Variants in DNAH14 observed in about 807,000 individuals in gnomAD.
DNAH14 encodes axonemal beta dynein heavy chain 14.
DNAH14 carries 478 observed loss-of-function variants against 520.9 expected under a neutral mutation model. The observed-to-expected ratio is 0.92, with a 90% CI of 0.85 to 0.99. DNAH14 has a LOEUF of 0.99. DNAH14 is among the 50% of genes least tolerant of loss of function. The pLI is 0.00. For missense variants in DNAH14, 4,831 were observed against 5,234.5 expected, an observed-to-expected ratio of 0.92 and a Z score of 2.38; for synonymous variants, 1,581 against 1,757.2, an observed-to-expected ratio of 0.90 and a Z score of 2.51.
At chr1:225,088,798 T>C (rs2074060682) in intron 21 of DNAH14, among the ~76,000 whole-genome samples, 1 of 152,134 alleles carries the variant, frequency 6.6e-6, no homozygotes, top group African/African-American at 2.4e-5. Context: ...AAATGTAAAC[T>C]GGAATATTAA....
Position 225,159,362 on chromosome 1 carries a change from C to T in DNAH14, c.5322C>T (p.Ile1774=), listed in dbSNP as rs947090442. 1.0e-5 allele frequency: 16 copies of T among 1,551,430 alleles called. No individual in the cohort carries two copies. The highest frequency in any genetic ancestry group is 4.8e-5 in the South Asian group (4 of 83,890). Residue 1774 remains isoleucine, a synonymous_variant, in exon 35 of 86, where the codon ATC becomes ATT. Coordinates refer to ENST00000682510, the MANE Select transcript of DNAH14 (RefSeq NM_001367479.1). ...LSEADETLIV[I]EAIREASLPK... Reference sequence around the variant, plus strand: ...AAGCAGATGAAACCTTGATTGTTATCGAGGCTATAAGAGAAGCTAGTTTGC... The same window carrying T: ...AAGCAGATGAAACCTTGATTGTTATTGAGGCTATAAGAGAAGCTAGTTTGC...
At chr1:225,130,369 C>T (rs1312799942) in intron 27 of DNAH14, among the ~76,000 whole-genome samples, 9 of 151,860 alleles carry the variant, frequency 5.9e-5, no homozygotes, top group East Asian at 3.9e-4. Flanking sequence ...CACATACACA[C>T]GTATGTTTAT....
chr1:225,266,910 A>C, intron 49 of DNAH14, 141 bp downstream of exon 49: 1 of 665,740 alleles, frequency 1.5e-6, no homozygotes, highest in Non-Finnish European at 2.4e-6. Context: ...TTGAGACCCT[A>C]AACTAACTAT....
At chr1:225,317,664 C>T (rs1021784759) in intron 60 of DNAH14, among the ~76,000 whole-genome samples, 1 of 152,004 alleles carries the variant, frequency 6.6e-6, no homozygotes, top group African/African-American at 2.4e-5. Flanking sequence ...GTATATACTG[C>T]TTATCAAGTA....
At chr1:225,080,800 C>T in intron 19 of DNAH14, 52 bp downstream of exon 19, 1 of 1,458,418 alleles carries the variant, frequency 6.9e-7, no homozygotes, top group Non-Finnish European at 9.1e-7. Flanking sequence ...ACCAAATGGC[C>T]TTTGGACATC....
Position 224,941,754 on chromosome 1 carries a change from A to G in DNAH14, c.-33-10916A>G, listed in dbSNP as rs1198624683. On this transcript the variant is annotated intron_variant, in intron 1 of 85. Transcript: ENST00000682510. ...CTAGCCAGTTTTCCCAGCACCATTT[A>G]TTAAATAGGGAATCCTTTCCCCATT... Among the ~76,000 whole-genome samples the G allele has an allele frequency of 5.9e-5, 9 of 152,290 alleles. No homozygotes were observed. The South Asian group carries it at 1.9e-3, about 32-fold the overall frequency.
chr1:225,043,020 A>G lies in DNAH14; in HGVS notation c.1674A>G (p.Lys558=). The G allele has an allele frequency of 2.6e-6, 4 of 1,551,860 alleles. No individual in the cohort carries two copies. Among genetic ancestry groups the G allele is most frequent in the Non-Finnish European group, 3.5e-6 (4 of 1,147,028 alleles). The change falls in exon 13 of 86, where the codon AAA becomes AAG. Residue 558 remains lysine, a synonymous_variant. Transcript: ENST00000682510. The part of the protein sequence containing the change: ...VMFEDEMSEN[K]DNCVKKHSSE... ...TTGAAGATGAAATGTCAGAAAATAAAGACAATTGTGTCAAAAAACACTCAA... is the reference window on the plus strand; with the variant it reads ...TTGAAGATGAAATGTCAGAAAATAAGGACAATTGTGTCAAAAAACACTCAA...
intron 76 of DNAH14, 141 bp from the exon 77 acceptor site, chr1:225,367,664 G>T (rs2095570456): frequency 3.2e-6 from 2 of 631,684 alleles, no homozygotes; most frequent in Non-Finnish European, 5.5e-6. Flanking sequence ...AATAACATGA[G>T]ATTTTGGATT....
chr1:225,389,144 G>C (rs1558608091), intron 82 of DNAH14, among the ~76,000 whole-genome samples: 1 of 152,196 alleles, frequency 6.6e-6, no homozygotes, highest in Non-Finnish European at 1.5e-5. Context: ...TGCCTCACAG[G>C]ATGTGGAGCA....
intron 41 of DNAH14, among the ~76,000 whole-genome samples, chr1:225,207,722 C>A (rs1029486974): frequency 2.6e-5 from 4 of 152,126 alleles, no homozygotes; most frequent in Non-Finnish European, 4.4e-5. Flanking sequence ...GGTAAGATGG[C>A]AGATTAGCAC....
At chr1:225,323,229 G>A (rs551424054) in intron 62 of DNAH14, among the ~76,000 whole-genome samples, 4 of 152,274 alleles carry the variant, frequency 2.6e-5, no homozygotes, top group East Asian at 3.9e-4. Context: ...TATGCCGCCT[G>A]GGGGACAGAA....
chr1:225,118,261 T>C (rs772856018), intron 25 of DNAH14: 3 of 489,882 alleles, frequency 6.1e-6, no homozygotes, highest in Non-Finnish European at 1.1e-5. Flanking sequence ...TGTCATTAAA[T>C]TCTGCCTTAA....
chr1:225,311,773 C>A (rs1056417939), intron 60 of DNAH14, among the ~76,000 whole-genome samples: 4 of 152,146 alleles, frequency 2.6e-5, no homozygotes, highest in African/African-American at 9.7e-5. Flanking sequence ...AGGGTTATTT[C>A]TGAGGCCTCT....
intron 8 of DNAH14, among the ~76,000 whole-genome samples, chr1:224,979,712 A>G (rs943570929): frequency 1.3e-5 from 2 of 152,210 alleles, no homozygotes; most frequent in East Asian, 1.9e-4. Context: ...CACACCTCAC[A>G]GCAAAGAAAG....
intron 21 of DNAH14, among the ~76,000 whole-genome samples, chr1:225,094,999 ATT>A (rs1232252412): frequency 6.6e-6 from 1 of 152,140 alleles, no homozygotes; most frequent in African/African-American, 2.4e-5. Flanking sequence ...AATGTCCATT[ATT>A]AAAAGGTCAA....
At chr1:225,289,845 G>C (rs1011388243) in intron 54 of DNAH14, 40 bp from the exon 55 acceptor site, 10 of 1,254,774 alleles carry the variant, frequency 8.0e-6, no homozygotes, top group Non-Finnish European at 9.2e-6. Flanking sequence ...AAGATTCCCA[G>C]AAAATGTATG....
At position 224,967,430 on chromosome 1, in the gene DNAH14, G is replaced by C; in HGVS notation, c.499-1G>C. On this transcript the variant is annotated splice_acceptor_variant, in intron 5 of 85. Transcript: ENST00000682510. LOFTEE classifies it high-confidence loss of function. ...GTTTATTATTTTTTTTTTAATCTCA[G>C]AAACCTTTGGAAGATGATGGAGAAT... 6.6e-7 allele frequency: 1 copy of C among 1,516,316 alleles called. No individual in the cohort carries two copies. Among genetic ancestry groups the C allele is most frequent in the East Asian group, 2.4e-5 (1 of 41,250 alleles). The allele number at this position is 1,516,316 out of a possible 1,614,324, so 93.9% of individuals were successfully genotyped here.
Position 225,145,385 on chromosome 1 carries a change from C to A in DNAH14, c.4794+6C>A. The A allele has an allele frequency of 6.5e-7, 1 of 1,540,072 alleles. No individual in the cohort carries two copies. Among genetic ancestry groups the A allele is most frequent in the Non-Finnish European group, 8.8e-7 (1 of 1,141,398 alleles). ...TTGAGGATTTGGATTATAAGGTAAACCTTAAACATATGTGTCAGGAAGAAA... is the reference window on the plus strand; with the variant it reads ...TTGAGGATTTGGATTATAAGGTAAAACTTAAACATATGTGTCAGGAAGAAA... On this transcript the variant is annotated splice_donor_region_variant and intron_variant, in intron 30 of 85. Transcript: ENST00000682510.
intron 55 of DNAH14, among the ~76,000 whole-genome samples, chr1:225,295,330 A>C (rs2150031395): frequency 6.6e-6 from 1 of 152,116 alleles, no homozygotes; most frequent in South Asian, 2.1e-4. Flanking sequence ...TAGTTCCCTG[A>C]GATGGATTGT....
Sources: gnomAD v4.1 joint callset for allele counts (sites outside exome capture counted in the v4.1 genomes callset) on GRCh38, gnomAD v4.1.1 for gene constraint, MANE v1.5 for transcripts, NCBI Gene and HGNC (gene_info 2026-07-23, HGNC 2026-07-21) for gene names.